The following NDUFS4 variants were observed in gnomAD, a reference collection of about 807,000 sequenced individuals.
NDUFS4 encodes the protein NADH dehydrogenase [ubiquinone] iron-sulfur protein 4, mitochondrial.
In NDUFS4, 28 loss-of-function variants were observed where a neutral mutation model predicts 24.3. The ratio of observed to expected loss-of-function variants is 1.15; its 90% CI spans 0.85 to 1.58. NDUFS4 has a LOEUF of 1.58. NDUFS4 is among the 40% of genes most tolerant of loss of function. The pLI, the probability that NDUFS4 is intolerant of heterozygous loss-of-function variation, is 0.00. For synonymous variants in NDUFS4, 93 were observed against 69.7 expected (o/e 1.34, Z -1.67); for missense variants, 223 against 207.9 (o/e 1.07, Z -0.45).
intron 1 of NDUFS4, among the ~76,000 whole-genome samples, chr5:53,580,673 T>G: frequency 6.6e-6 from 1 of 151,992 alleles, no homozygotes; most frequent in Admixed American, 6.6e-5. Flanking sequence ...CTCTCTTTCT[T>G]TCTTTCTCTT....
chr5:53,631,440 A>T (rs999256712), intron 2 of NDUFS4, among the ~76,000 whole-genome samples: 1 of 152,178 alleles, frequency 6.6e-6, no homozygotes, highest in Admixed American at 6.5e-5. Flanking sequence ...CTGTCTTCAG[A>T]GCTGTGAGGC....
chr5:53,605,185 C>T (rs1750460358), intron 2 of NDUFS4, among the ~76,000 whole-genome samples: 1 of 152,324 alleles, frequency 6.6e-6, no homozygotes, highest in African/African-American at 2.4e-5. Context: ...CGCACCATTA[C>T]TCTCCAGCCT....
chr5:53,615,630 T>C (rs1750817628), intron 2 of NDUFS4, among the ~76,000 whole-genome samples: 1 of 152,088 alleles, frequency 6.6e-6, no homozygotes, highest in Non-Finnish European at 1.5e-5. Flanking sequence ...ACTGCTTCTT[T>C]ATAAGGCATA....
intron 2 of NDUFS4, among the ~76,000 whole-genome samples, chr5:53,610,453 A>G (rs1750659590): frequency 6.6e-6 from 1 of 152,162 alleles, no homozygotes; most frequent in South Asian, 2.1e-4. Context: ...GAATTGTCAA[A>G]ATGTGACACA....
chr5:53,660,821 T>C (rs1752319306), intron 4 of NDUFS4, among the ~76,000 whole-genome samples: 1 of 152,234 alleles, frequency 6.6e-6, no homozygotes, highest in Non-Finnish European at 1.5e-5. Context: ...TCTGTTCATA[T>C]CCTTCGCCCA....
chr5:53,616,384 A>T (rs1337657127), intron 2 of NDUFS4, among the ~76,000 whole-genome samples: 2 of 152,166 alleles, frequency 1.3e-5, no homozygotes, highest in African/African-American at 4.8e-5. Flanking sequence ...AAACAAAGCT[A>T]GGTGATGAGA....
intron 3 of NDUFS4, among the ~76,000 whole-genome samples, chr5:53,646,736 T>C (rs1403721414): frequency 6.6e-6 from 1 of 152,172 alleles, no homozygotes; most frequent in Non-Finnish European, 1.5e-5. Flanking sequence ...GTTTCAGTTA[T>C]CCGATGGACA....
At chr5:53,584,843 C>T (rs1224920021) in intron 1 of NDUFS4, among the ~76,000 whole-genome samples, 2 of 152,040 alleles carry the variant, frequency 1.3e-5, no homozygotes, top group Non-Finnish European at 2.9e-5. Context: ...TCTCAGCTCA[C>T]TGCATCCTCT....
rs116027673 is a variant in NDUFS4 at position 53,587,501 on chromosome 5, T to A, written c.99-15951T>A. Among the ~76,000 whole-genome samples the A allele has an allele frequency of 1.7e-3, 253 of 152,220 alleles. 1 individual carries two copies. The highest frequency in any genetic ancestry group is 5.8e-3 in the African/African-American group (243 of 41,540). On this transcript the variant is annotated intron_variant, in intron 1 of 4. Coordinates refer to ENST00000296684, the MANE Select transcript of NDUFS4 (RefSeq NM_002495.4). ...GGCATATATTTGAGTATGTATAGATTAGCAACAGACAAACACATATATTGA... is the reference window on the plus strand; with the variant it reads ...GGCATATATTTGAGTATGTATAGATAAGCAACAGACAAACACATATATTGA...
rs183129716 is a variant in NDUFS4, at chr5:53,597,799, A to G, written c.99-5653A>G. On this transcript the variant is annotated intron_variant, in intron 1 of 4. Transcript: ENST00000296684. ...GCTTCTGCTCTGTGAAAGACACTCT[A>G]AAGAGAATGAAAGGACAAGCCACAG... 4.8e-3 allele frequency among the ~76,000 whole-genome samples: 725 copies of G among 152,298 alleles called. 3 individuals are homozygous for G. The highest frequency in any genetic ancestry group is 8.0e-3 in the Non-Finnish European group (544 of 68,014).
chr5:53,567,972 T>C (rs1409550866), intron 1 of NDUFS4, among the ~76,000 whole-genome samples: 3 of 152,164 alleles, frequency 2.0e-5, no homozygotes, highest in Non-Finnish European at 4.4e-5. Flanking sequence ...ACCTGAATTA[T>C]GCAGTGACCA....
chr5:53,682,645 A>G (rs1472238264), intron 4 of NDUFS4, among the ~76,000 whole-genome samples: 1 of 152,048 alleles, frequency 6.6e-6, no homozygotes, highest in Non-Finnish European at 1.5e-5. Context: ...ACACACATGC[A>G]CCCATACACA....
chr5:53,569,793 T>C (rs1749151996), intron 1 of NDUFS4, among the ~76,000 whole-genome samples: 1 of 152,204 alleles, frequency 6.6e-6, no homozygotes, highest in Non-Finnish European at 1.5e-5. Context: ...GTTTACTCTT[T>C]ATTAATGATC....
chr5:53,652,872 A>G (rs1397717293), intron 3 of NDUFS4, among the ~76,000 whole-genome samples: 1 of 151,946 alleles, frequency 6.6e-6, no homozygotes, highest in Admixed American at 6.6e-5. Flanking sequence ...TTTCAGGGAG[A>G]CAGCATGACT....
intron 2 of NDUFS4, among the ~76,000 whole-genome samples, chr5:53,623,373 T>C (rs907552242): frequency 6.6e-6 from 1 of 152,194 alleles, no homozygotes; most frequent in Non-Finnish European, 1.5e-5. Context: ...AAATTAGTGA[T>C]GTTGAGCATC....
rs144532862 is a variant in NDUFS4, at chr5:53,671,375, C to T, written c.425-11743C>T. 3.1e-3 allele frequency among the ~76,000 whole-genome samples: 469 copies of T among 152,182 alleles called. 2 individuals carry two copies. The highest frequency in any genetic ancestry group is 0.01 in the African/African-American group (417 of 41,526). ...TTGGGGAGTGGAAAAGAAGAAAAGA[C>T]TGAATGCTCCCTATGACTTCATTTT... On this transcript the variant is annotated intron_variant, in intron 4 of 4. Transcript: ENST00000296684.
At chr5:53,612,381 GA>G (rs1750721968) in intron 2 of NDUFS4, among the ~76,000 whole-genome samples, 2 of 152,002 alleles carry the variant, frequency 1.3e-5, no homozygotes, top group Admixed American at 1.3e-4. Context: ...AAATATATGT[GA>G]AAAAGGAAAC....
chr5:53,617,175 G>A (rs562276216), intron 2 of NDUFS4, among the ~76,000 whole-genome samples: 33 of 152,262 alleles, frequency 2.2e-4, no homozygotes, highest in African/African-American at 7.0e-4. Flanking sequence ...TTTGAGTTCT[G>A]CACCTTGCTT....
intron 1 of NDUFS4, among the ~76,000 whole-genome samples, chr5:53,580,344 C>T (rs927922878): frequency 1.3e-5 from 2 of 152,154 alleles, no homozygotes; most frequent in African/African-American, 2.4e-5. Context: ...ACTAAAGAAA[C>T]GGTAGTTTGT....
Sources: allele counts gnomAD v4.1 joint callset (sites outside exome capture counted in the v4.1 genomes callset), GRCh38; gene constraint gnomAD v4.1.1; transcripts MANE v1.5; gene names NCBI Gene and HGNC (gene_info 2026-07-23, HGNC 2026-07-21).